The following COL6A3 variants were observed in gnomAD, a reference collection of about 807,000 sequenced individuals.
COL6A3 encodes the protein collagen alpha-3(VI) chain.
A neutral mutation model predicts 274.1 loss-of-function variants in COL6A3; 137 were observed. The ratio of observed to expected loss-of-function variants is 0.50; its 90% CI spans 0.44 to 0.58. The LOEUF (loss-of-function observed/expected upper bound fraction) is 0.58. Ranked by LOEUF, COL6A3 falls within the 20% of genes least tolerant of loss-of-function variation. The pLI, the probability that COL6A3 is intolerant of heterozygous loss-of-function variation, is 0.00. For missense variants in COL6A3, 3,950 were observed against 4,124.9 expected (o/e 0.96, Z 1.16); for synonymous variants, 1,650 against 1,650.6 (o/e 1.00, Z 0.01).
chr2:237,399,587 G>A (rs115773050), intron 1 of COL6A3, among the ~76,000 whole-genome samples: 3,663 of 152,262 alleles, frequency 0.024, 140 homozygotes, highest in African/African-American at 0.084. Context: ...TGAATACCAA[G>A]CCTCCTTCTG....
chr2:237,406,501 T>C (rs2078722105), intron 1 of COL6A3, among the ~76,000 whole-genome samples: 1 of 152,138 alleles, frequency 6.6e-6, no homozygotes, highest in Admixed American at 6.5e-5. Context: ...AAGACCACAG[T>C]GGGAGAGCCG....
At chr2:237,411,880 G>A (rs1289270213) in intron 1 of COL6A3, among the ~76,000 whole-genome samples, 2 of 152,012 alleles carry the variant, frequency 1.3e-5, no homozygotes, top group Non-Finnish European at 2.9e-5. Context: ...GAAAGAGCGG[G>A]GCCAAGGGCT....
intron 36 of COL6A3, chr2:237,342,945 A>T (rs2077020111): frequency 6.6e-6 from 1 of 152,330 alleles, no homozygotes; most frequent in African/African-American, 2.4e-5. Context: ...TCGCCGACAC[A>T]GGCTGTGGTA....
intron 17 of COL6A3, among the ~76,000 whole-genome samples, 172 bp downstream of exon 17, chr2:237,359,916 C>T (rs2077397467): frequency 6.6e-6 from 1 of 152,202 alleles, no homozygotes; most frequent in African/African-American, 2.4e-5. Flanking sequence ...CAGCTGCAGC[C>T]CCTGCTCCTG....
Position 237,339,104 on chromosome 2 carries a change from A to C in COL6A3, c.8478T>G (p.Phe2826Leu), listed in dbSNP as rs748250269. The C allele has an allele frequency of 5.6e-6, 9 of 1,613,626 alleles. No individual in the cohort carries two copies. The highest frequency in any genetic ancestry group is 7.6e-6 in the Non-Finnish European group (9 of 1,179,530). ...LPSFVSSENA[F>L]YLSPDIRKQC... Reference sequence around the variant, plus strand: ...GTTTCCTGATATCTGGGGACAAGTAAAAAGCATTTTCACCTAAAGAAAAAA... The same window carrying C: ...GTTTCCTGATATCTGGGGACAAGTACAAAGCATTTTCACCTAAAGAAAAAA... The change falls in exon 39 of 44, where the codon TTT becomes TTG. Residue 2826 changes from phenylalanine (F) to leucine (L), a missense_variant. Physicochemically the swap from Phe to Leu is conservative, Grantham distance 22. Transcript: ENST00000295550.
chr2:237,402,090 G>A (rs891863615), intron 1 of COL6A3, among the ~76,000 whole-genome samples: 1 of 152,144 alleles, frequency 6.6e-6, no homozygotes, highest in African/African-American at 2.4e-5. Context: ...GAATCTTGAG[G>A]ATATTATGCT....
rs1267872748 is a variant in COL6A3, at chr2:237,374,915, T to C, written c.3176A>G (p.Asp1059Gly). 1.9e-6 allele frequency: 3 copies of C among 1,613,742 alleles called. No homozygotes were observed. Among genetic ancestry groups the C allele is most frequent in the African/African-American group, 2.7e-5 (2 of 74,844 alleles). The change falls in exon 8 of 44, where the codon GAT (aspartate) becomes GGT (glycine). Residue 1059 changes from aspartate to glycine, a missense_variant. This residue lies in a region of COL6A3 where 1,934 missense variants were observed against 1,984.3 expected (regional missense o/e 0.97). Transcript: ENST00000295550. The surrounding 1 kb of genome is among the most constrained non-coding windows in gnomAD (Gnocchi z 4.8). The stretch of plus-strand genomic sequence containing the variant: ...CACGCGGACCCGGTCCTGGCCCACA[T>C]CCAGGCTTTCCACCACTCTCTGGAC... ...EFVQRVVESL[D>G]VGQDRVRVAV...
In COL6A3 at chr2:237,333,465, C is replaced by G. The variant is rs922435421; in HGVS notation, c.9313G>C (p.Ala3105Pro). The change falls in exon 42 of 44, where the codon GCT becomes CCT. Residue 3105 changes from alanine to proline, a missense_variant. This residue lies in a region of COL6A3 where 1,284 missense variants were observed against 1,349.7 expected (regional missense o/e 0.95). Coordinates refer to ENST00000295550, the MANE Select transcript of COL6A3 (RefSeq NM_004369.4). ...INLMVSTEPLALTETDICKLP... is the reference protein window; with the variant it reads ...INLMVSTEPLPLTETDICKLP... ...CACAACTCACCTGTTTCAGTGAGAGCCAATGGTTCTGTGCTCACCATTAGA... is the reference window on the plus strand; with the variant it reads ...CACAACTCACCTGTTTCAGTGAGAGGCAATGGTTCTGTGCTCACCATTAGA... The G allele has an allele frequency of 6.2e-7, 1 of 1,614,014 alleles. No homozygotes were observed. Among genetic ancestry groups the G allele is most frequent in the Non-Finnish European group, 8.5e-7 (1 of 1,179,992 alleles).
chr2:237,387,020 A>T (rs544542943), intron 4 of COL6A3, among the ~76,000 whole-genome samples: 1 of 152,298 alleles, frequency 6.6e-6, no homozygotes, highest in East Asian at 1.9e-4. Context: ...CACAAGCACA[A>T]GAAAAAAAAA....
At chr2:237,350,667 G>C (rs1473160100) in intron 27 of COL6A3, among the ~76,000 whole-genome samples, 1 of 152,224 alleles carries the variant, frequency 6.6e-6, no homozygotes, top group Non-Finnish European at 1.5e-5. Context: ...CAGACTTGCT[G>C]TTATCCAGGA....
intron 1 of COL6A3, among the ~76,000 whole-genome samples, chr2:237,409,624 A>G (rs2078805188): frequency 6.6e-6 from 1 of 152,216 alleles, no homozygotes; most frequent in African/African-American, 2.4e-5. Context: ...GAACAGACAT[A>G]AATCTGAGAG....
intron 2 of COL6A3, 72 bp from the exon 3 acceptor site, chr2:237,395,276 C>T: frequency 2.6e-6 from 4 of 1,549,046 alleles, no homozygotes; most frequent in Non-Finnish European, 3.5e-6. Flanking sequence ...CAAAGCCTTC[C>T]TAAACAAATT....
intron 23 of COL6A3, among the ~76,000 whole-genome samples, chr2:237,356,419 T>C (rs1030037891): frequency 1.3e-5 from 2 of 152,238 alleles, no homozygotes; most frequent in African/African-American, 4.8e-5. Flanking sequence ...AAAATTTCTA[T>C]TTTCTTCTGA....
chr2:237,385,461 T>C (rs2106375611), intron 4 of COL6A3, among the ~76,000 whole-genome samples: 1 of 152,346 alleles, frequency 6.6e-6, no homozygotes, highest in African/African-American at 2.4e-5. Flanking sequence ...CATATCTTCA[T>C]CTGGTGCAAC....
chr2:237,350,119 CCTGACCCCAAGCGCG>C lies in COL6A3; in HGVS notation c.6879+13_6879+27del. 1 of 1,612,200 alleles carries C rather than the reference CCTGACCCCAAGCGCG, an allele frequency of 6.2e-7. No individual in the cohort carries two copies. Among genetic ancestry groups the C allele is most frequent in the Non-Finnish European group, 8.5e-7 (1 of 1,178,360 alleles). On this transcript the variant is annotated intron_variant, in intron 28 of 43. Coordinates refer to ENST00000295550, the MANE Select transcript of COL6A3 (RefSeq NM_004369.4). ...CCTTCCAGCAAAGAGTCAGCGACAGCCTGACCCCAAGCGCGCTGTGACCTTACCGTCTCCCCACGA... is the reference window on the plus strand; with the variant it reads ...CCTTCCAGCAAAGAGTCAGCGACAGCCTGTGACCTTACCGTCTCCCCACGA...
rs181698279 is a variant in COL6A3, at chr2:237,354,950, T to A, written c.6592-16A>T. On this transcript the variant is annotated splice_polypyrimidine_tract_variant and intron_variant, in intron 23 of 43. Coordinates refer to ENST00000295550, the MANE Select transcript of COL6A3 (RefSeq NM_004369.4). The stretch of plus-strand genomic sequence containing the variant: ...CAAAGCCACCCTGTGGAAGAAAAAG[T>A]CCCACAAACTGTGAGGGGGAGCATG... The A allele has an allele frequency of 3.9e-3, 6,277 of 1,613,232 alleles. 272 individuals carry two copies. In the South Asian group the frequency reaches 0.066, roughly 17 times the overall value.
In COL6A3 at chr2:237,374,283, T is replaced by C; in HGVS notation, c.3679+129A>G. 7.2e-7 allele frequency: 1 copy of C among 1,381,082 alleles called. No individual in the cohort carries two copies. The highest frequency in any genetic ancestry group is 1.0e-6 in the Non-Finnish European group (1 of 987,432). 85.6% of individuals were successfully genotyped at this position (1,381,082 alleles called of 1,614,324 possible). On this transcript the variant is annotated intron_variant, in intron 8 of 43. Transcript: ENST00000295550. This position sits in a 1 kb window ranked among gnomAD's most constrained non-coding sequence, Gnocchi z 4.8. ...AAAAGGGCATGTGGGTTCCTAAATT[T>C]TCCTGTAATTTTAGTTTTCACTTCA...
intron 20 of COL6A3, 55 bp downstream of exon 20, chr2:237,358,980 T>G (rs1229747206): frequency 2.5e-6 from 4 of 1,588,472 alleles, no homozygotes; most frequent in East Asian, 4.5e-5. Flanking sequence ...AACTATTCCC[T>G]AAATGAAATG....
At chr2:237,395,355 C>A in intron 2 of COL6A3, 151 bp from the exon 3 acceptor site, 1 of 844,070 alleles carries the variant, frequency 1.2e-6, no homozygotes, top group Non-Finnish European at 1.9e-6. Context: ...GACTCACTTA[C>A]CTGGGAACCA....
Sources: gnomAD v4.1 joint callset for allele counts (sites outside exome capture counted in the v4.1 genomes callset) on GRCh38, gnomAD v4.1.1 for gene constraint, gnomAD v4.1.1 regional missense constraint, Gnocchi (gnomAD v3.1) non-coding constraint, MANE v1.5 for transcripts, NCBI Gene and HGNC (gene_info 2026-07-23, HGNC 2026-07-21) for gene names.